DCC: variants seen among roughly 807,000 people sequenced by gnomAD.
DCC encodes the protein DCC netrin 1 receptor, also known as netrin receptor DCC.
In DCC, 58 loss-of-function variants were observed where a neutral mutation model predicts 172.5. That is an observed-to-expected ratio of 0.34 (90% CI 0.27 to 0.42). The LOEUF (loss-of-function observed/expected upper bound fraction) is 0.42. Ranked by LOEUF, DCC falls within the 10% of genes least tolerant of loss-of-function variation. The probability of loss-of-function intolerance (pLI) is 1.00; values close to 1 mark genes in which losing one functional copy is unlikely to be tolerated. For synonymous variants in DCC, 709 were observed against 644.5 expected (o/e 1.10, Z -1.52); for missense variants, 1,740 against 1,791.0 (o/e 0.97, Z 0.51).
intron 2 of DCC, among the ~76,000 whole-genome samples, chr18:52,823,121 C>T (rs970600969): frequency 6.6e-5 from 10 of 152,164 alleles, no homozygotes; most frequent in African/African-American, 2.4e-4. Flanking sequence ...CTCTGAGATG[C>T]AGTGTCCCCT....
intron 2 of DCC, among the ~76,000 whole-genome samples, chr18:52,798,166 C>G (rs780866409): frequency 6.6e-6 from 1 of 150,760 alleles, no homozygotes; most frequent in Non-Finnish European, 1.5e-5. Flanking sequence ...CTGTCAATAC[C>G]CAGGCCTCGA....
chr18:53,502,532 T>A (rs1255360922), intron 27 of DCC, among the ~76,000 whole-genome samples: 7 of 152,174 alleles, frequency 4.6e-5, no homozygotes, highest in Admixed American at 4.6e-4. Context: ...ATGAAATACT[T>A]AGAGCTTTCA....
intron 1 of DCC, among the ~76,000 whole-genome samples, chr18:52,498,184 A>G (rs1485499213): frequency 6.6e-6 from 1 of 152,180 alleles, no homozygotes; most frequent in Non-Finnish European, 1.5e-5. Context: ...GCCACACAAG[A>G]ACAGGTGGTG....
intron 5 of DCC, among the ~76,000 whole-genome samples, chr18:53,054,606 G>A (rs2042378878): frequency 1.3e-5 from 2 of 152,038 alleles, no homozygotes; most frequent in South Asian, 2.1e-4. Context: ...TTAGAGAGAT[G>A]GAAAGCTTAG....
chr18:52,672,478 A>G (rs1188164573), intron 1 of DCC, among the ~76,000 whole-genome samples: 2 of 152,118 alleles, frequency 1.3e-5, no homozygotes, highest in Non-Finnish European at 2.9e-5. Context: ...ATATAAGCAC[A>G]AAACAGTTCA....
intron 1 of DCC, among the ~76,000 whole-genome samples, chr18:52,562,113 C>T (rs1009375033): frequency 6.6e-6 from 1 of 151,954 alleles, no homozygotes; most frequent in African/African-American, 2.4e-5. Context: ...AATAAACACA[C>T]CAAAAATGCA....
At chr18:53,310,958 C>A in intron 13 of DCC, among the ~76,000 whole-genome samples, 1 of 147,340 alleles carries the variant, frequency 6.8e-6, no homozygotes, top group Non-Finnish European at 1.5e-5. Flanking sequence ...ACCGTACTAC[C>A]CTTACAATAA....
chr18:52,360,015 T>C (rs972602114), intron 1 of DCC, among the ~76,000 whole-genome samples: 7 of 152,222 alleles, frequency 4.6e-5, no homozygotes, highest in Non-Finnish European at 1.0e-4. Context: ...GATAAATAGA[T>C]GTTGTAGCTA....
chr18:52,362,875 C>T (rs1216128516), intron 1 of DCC, among the ~76,000 whole-genome samples: 2 of 151,934 alleles, frequency 1.3e-5, no homozygotes, highest in African/African-American at 2.4e-5. Flanking sequence ...TTCATTCATT[C>T]GTTCATTTCC....
intron 3 of DCC, among the ~76,000 whole-genome samples, chr18:52,913,787 G>A (rs116744780): frequency 3.9e-5 from 6 of 152,050 alleles, no homozygotes; most frequent in South Asian, 2.1e-4. Flanking sequence ...GCAATCATCC[G>A]TGACTCTCAC....
In DCC at chr18:52,952,901, G is replaced by A. The variant is rs1167433411; in HGVS notation, c.985+27531G>A. Among the ~76,000 whole-genome samples, 3 of 149,856 alleles carry A rather than the reference G, an allele frequency of 2.0e-5. No homozygotes were observed. The Admixed American group carries it at 2.0e-4, about 10-fold the overall frequency. Reference sequence around the variant, plus strand: ...TAGTCCCAGCTACTCAAGAGGCTGAGGTGGGAGAATTGATTGATCCCAGGA... The same window carrying A: ...TAGTCCCAGCTACTCAAGAGGCTGAAGTGGGAGAATTGATTGATCCCAGGA... On this transcript the variant is annotated intron_variant, in intron 5 of 28. Coordinates refer to ENST00000442544, the MANE Select transcript of DCC (RefSeq NM_005215.4).
chr18:52,379,247 G>T (rs1598876068), intron 1 of DCC, among the ~76,000 whole-genome samples: 1 of 148,846 alleles, frequency 6.7e-6, no homozygotes, highest in Non-Finnish European at 1.5e-5. Flanking sequence ...AAAGCATAAT[G>T]TTTTTTTTTT....
chr18:53,246,729 G>A (rs2056369478), intron 12 of DCC, among the ~76,000 whole-genome samples: 1 of 152,162 alleles, frequency 6.6e-6, no homozygotes, highest in Middle Eastern at 3.4e-3. Flanking sequence ...CATGAATAAT[G>A]ACTATAAGTT....
intron 5 of DCC, among the ~76,000 whole-genome samples, chr18:52,960,243 G>A (rs2040821321): frequency 6.6e-6 from 1 of 151,872 alleles, no homozygotes; most frequent in African/African-American, 2.4e-5. Context: ...GATTAAGGAG[G>A]GAAAACTTTT....
In DCC at chr18:53,215,305, G is replaced by C. The variant is rs68048120; in HGVS notation, c.1862-243G>C. On this transcript the variant is annotated intron_variant, in intron 11 of 28. Coordinates refer to ENST00000442544, the MANE Select transcript of DCC (RefSeq NM_005215.4). ...GGTATCACTGCCCGCGTTCTCTTGC[G>C]TAACAGTTTTAGGGGCTCCCTACAT... is the stretch of plus-strand genomic sequence containing the variant. Among the ~76,000 whole-genome samples the C allele has an allele frequency of 0.045, 6,830 of 151,860 alleles. 191 individuals are homozygous for C. The highest frequency in any genetic ancestry group is 0.11 in the East Asian group (582 of 5,158).
intron 1 of DCC, among the ~76,000 whole-genome samples, chr18:52,541,133 G>A (rs567470454): frequency 1.8e-4 from 27 of 152,210 alleles, no homozygotes; most frequent in African/African-American, 6.3e-4. Flanking sequence ...GTCATTTCAC[G>A]TGACATACCC....
At chr18:53,107,090 A>G (rs950427923) in intron 7 of DCC, among the ~76,000 whole-genome samples, 2 of 151,860 alleles carry the variant, frequency 1.3e-5, no homozygotes, top group South Asian at 4.1e-4. Context: ...AACCATAAAC[A>G]TCCTCTAAGA....
intron 5 of DCC, among the ~76,000 whole-genome samples, chr18:52,966,977 G>GT (rs1483006069): frequency 2.0e-5 from 3 of 152,162 alleles, no homozygotes; most frequent in African/African-American, 7.2e-5. Flanking sequence ...CCTGTGCTCT[G>GT]TTTTCTGCCT....
chr18:52,861,596 AG>A (rs1271909338), intron 2 of DCC, among the ~76,000 whole-genome samples: 1 of 152,260 alleles, frequency 6.6e-6, no homozygotes, highest in East Asian at 1.9e-4. Flanking sequence ...TAAGCTATAA[AG>A]AAATAATTCT....
Sources: gnomAD v4.1 joint callset for allele counts (sites outside exome capture counted in the v4.1 genomes callset) on GRCh38, gnomAD v4.1.1 for gene constraint, MANE v1.5 for transcripts, NCBI Gene and HGNC (gene_info 2026-07-23, HGNC 2026-07-21) for gene names.